DCDC2: variants seen among roughly 807,000 people sequenced by gnomAD.
DCDC2 encodes doublecortin domain-containing protein 2.
In DCDC2, 40 loss-of-function variants were observed where a neutral mutation model predicts 50.2. That is an observed-to-expected ratio of 0.80 (90% CI 0.62 to 1.04). The LOEUF (loss-of-function observed/expected upper bound fraction) is 1.04, where lower values mean the gene tolerates loss of function less well. Among genes scored for constraint, DCDC2 ranks in the 50% least tolerant of loss-of-function variants. The pLI is 0.00. For missense variants in DCDC2, 570 were observed against 581.9 expected (o/e 0.98, Z 0.21); for synonymous variants, 234 against 210.6 (o/e 1.11, Z -0.96).
chr6:24,277,899 ACAG>A, intron 7 of DCDC2, 147 bp downstream of exon 7: 1 of 579,316 alleles, frequency 1.7e-6, no homozygotes, highest in Non-Finnish European at 2.8e-6. Context: ...AAGCATAAAA[ACAG>A]CAGCATCTCT....
At chr6:24,311,386 A>T (rs1223015098) in intron 2 of DCDC2, among the ~76,000 whole-genome samples, 1 of 152,186 alleles carries the variant, frequency 6.6e-6, no homozygotes, top group East Asian at 1.9e-4. Flanking sequence ...AAACAGCCTT[A>T]TCTATAACCA....
intron 2 of DCDC2, among the ~76,000 whole-genome samples, chr6:24,350,654 C>T (rs769194118): frequency 5.9e-5 from 9 of 151,964 alleles, no homozygotes; most frequent in African/African-American, 1.2e-4. Context: ...TGTGCTACTA[C>T]GGCACTGAAA....
chr6:24,367,165 C>T, the DCDC2 span, among the ~76,000 whole-genome samples: 1 of 152,204 alleles, frequency 6.6e-6, no homozygotes, highest in African/African-American at 2.4e-5. Context: ...AATGCATTGC[C>T]AATTCGGCAA....
chr6:24,288,060 G>A (rs1046402812), intron 6 of DCDC2, among the ~76,000 whole-genome samples: 33 of 152,232 alleles, frequency 2.2e-4, no homozygotes, highest in African/African-American at 7.2e-4. Context: ...AAAAAGGAGG[G>A]ATCTAAATCA....
intron 4 of DCDC2, among the ~76,000 whole-genome samples, chr6:24,295,039 T>C (rs527888387): frequency 9.1e-4 from 139 of 152,110 alleles, no homozygotes; most frequent in African/African-American, 3.0e-3. Flanking sequence ...GCCAAGTTTG[T>C]TGTCCTTGAT....
intron 8 of DCDC2, among the ~76,000 whole-genome samples, chr6:24,182,143 A>G (rs1016590877): frequency 2.6e-5 from 4 of 152,250 alleles, no homozygotes; most frequent in Non-Finnish European, 5.9e-5. Context: ...CTTACCTAAC[A>G]TATGTACAAA....
At chr6:24,251,612 C>G (rs1027252482) in intron 7 of DCDC2, among the ~76,000 whole-genome samples, 1 of 152,140 alleles carries the variant, frequency 6.6e-6, no homozygotes, top group East Asian at 1.9e-4. Flanking sequence ...GGCTTCAGCT[C>G]TCTGGTCTTG....
intron 2 of DCDC2, among the ~76,000 whole-genome samples, chr6:24,341,960 A>G (rs1350359360): frequency 6.6e-6 from 1 of 152,132 alleles, no homozygotes; most frequent in Non-Finnish European, 1.5e-5. Context: ...ACACACACAC[A>G]CACACAAACA....
At position 24,281,780 on chromosome 6, in the gene DCDC2, A is replaced by C. The variant is rs370119188; in HGVS notation, c.760-3569T>G. ...GCATAAGAGATAGGGGAGTTTTGCT[A>C]TCTCATACAGCTATCCCAGAAATAA... On this transcript the variant is annotated intron_variant, in intron 6 of 9. Coordinates refer to ENST00000378454, the MANE Select transcript of DCDC2 (RefSeq NM_016356.5). Among the ~76,000 whole-genome samples, 178 of 152,292 alleles carry C rather than the reference A, an allele frequency of 1.2e-3. 3 individuals carry two copies. The South Asian group carries it at 0.034, about 29-fold the overall frequency.
chr6:24,328,786 T>C (rs1054593333), intron 2 of DCDC2, among the ~76,000 whole-genome samples: 1 of 152,214 alleles, frequency 6.6e-6, no homozygotes, highest in East Asian at 1.9e-4. Context: ...TTAGACACTG[T>C]GAAGCAATTA....
intron 8 of DCDC2, among the ~76,000 whole-genome samples, chr6:24,192,262 A>C (rs1761331306): frequency 6.6e-6 from 1 of 152,210 alleles, no homozygotes; most frequent in Non-Finnish European, 1.5e-5. Flanking sequence ...TCAACAAGGC[A>C]AAAGACTGAA....
At position 24,199,068 on chromosome 6, in the gene DCDC2, G is replaced by A. The variant is rs189968250; in HGVS notation, c.1023+5934C>T. Reference sequence around the variant, plus strand: ...GGACAGAGCACCTGCGGGAAGCAGCGGCTGTGGGCACAACTTCAGCAGACT... The same window carrying A: ...GGACAGAGCACCTGCGGGAAGCAGCAGCTGTGGGCACAACTTCAGCAGACT... On this transcript the variant is annotated intron_variant, in intron 8 of 9. Transcript: ENST00000378454. 2.4e-4 allele frequency among the ~76,000 whole-genome samples: 37 copies of A among 152,310 alleles called. No homozygotes were observed. In the East Asian group the frequency reaches 6.8e-3, roughly 28 times the overall value.
intron 6 of DCDC2, among the ~76,000 whole-genome samples, chr6:24,286,368 C>T (rs549414866): frequency 6.6e-6 from 1 of 152,072 alleles, no homozygotes; most frequent in Non-Finnish European, 1.5e-5. Flanking sequence ...CAAGGCAGGC[C>T]GATCGCTGGA....
chr6:24,263,781 G>C (rs748813226), intron 7 of DCDC2, among the ~76,000 whole-genome samples: 10 of 152,166 alleles, frequency 6.6e-5, no homozygotes, highest in Non-Finnish European at 1.2e-4. Flanking sequence ...TGGCCTTAAA[G>C]AAGAGGGAGA....
intron 2 of DCDC2, among the ~76,000 whole-genome samples, chr6:24,307,323 T>C (rs1759491101): frequency 6.6e-6 from 1 of 152,180 alleles, no homozygotes; most frequent in Non-Finnish European, 1.5e-5. Flanking sequence ...CACAAACCTC[T>C]TGGAAGAACT....
At chr6:24,357,253 CTGACCCAAG>C in intron 1 of DCDC2, 196 bp downstream of exon 1, 1 of 529,824 alleles carries the variant, frequency 1.9e-6, no homozygotes. Flanking sequence ...ACTCCTACTG[CTGACCCAAG>C]TGAAATTCCT....
chr6:24,274,324 G>C (rs1316550059), intron 7 of DCDC2, among the ~76,000 whole-genome samples: 2 of 152,134 alleles, frequency 1.3e-5, no homozygotes, highest in Admixed American at 6.5e-5. Flanking sequence ...CATCGTTACT[G>C]TTTTGGTCAT....
chr6:24,243,057 C>A (rs1403900846), intron 7 of DCDC2, among the ~76,000 whole-genome samples: 1 of 152,138 alleles, frequency 6.6e-6, no homozygotes, highest in African/African-American at 2.4e-5. Context: ...GTCAAGACAG[C>A]TTGGGAGTCC....
At chr6:24,321,649 A>T (rs943739305) in intron 2 of DCDC2, among the ~76,000 whole-genome samples, 1 of 152,146 alleles carries the variant, frequency 6.6e-6, no homozygotes, top group Non-Finnish European at 1.5e-5. Context: ...CAACTTTATG[A>T]CCCAGAAATG....
Sources: allele counts gnomAD v4.1 joint callset (sites outside exome capture counted in the v4.1 genomes callset), GRCh38; gene constraint gnomAD v4.1.1; transcripts MANE v1.5; gene names NCBI Gene and HGNC (gene_info 2026-07-23, HGNC 2026-07-21).